SKOR2: variants seen among roughly 807,000 people sequenced by gnomAD.
The protein encoded by SKOR2 is LBX1 corepressor 1-like protein.
SKOR2 carries 47 observed loss-of-function variants against 69.1 expected under a neutral mutation model. That is an observed-to-expected ratio of 0.68 (90% CI 0.54 to 0.87). SKOR2 has a LOEUF of 0.87. Ranked by LOEUF, SKOR2 falls within the 40% of genes least tolerant of loss-of-function variation. SKOR2 has a pLI of 0.00. For missense variants in SKOR2, 1,404 were observed against 1,472.2 expected (o/e 0.95, Z 0.76); for synonymous variants, 717 against 672.6 (o/e 1.07, Z -1.02).
intron 6 of SKOR2, among the ~76,000 whole-genome samples, chr18:47,228,929 T>G (rs1342977032): frequency 6.6e-6 from 1 of 152,224 alleles, no homozygotes; most frequent in East Asian, 1.9e-4. Context: ...ATAACTGAAG[T>G]ACCATGAGCT....
At chr18:47,239,163 T>C (rs981393237) in intron 4 of SKOR2, among the ~76,000 whole-genome samples, 8 of 152,218 alleles carry the variant, frequency 5.3e-5, no homozygotes, top group Non-Finnish European at 1.0e-4. Flanking sequence ...ACATATGGCA[T>C]AGAGAGGTTT....
chr18:47,246,952 C>T lies in SKOR2; in HGVS notation c.2232G>A (p.Val744=). ...CGGGGGGCTTGTGGCCCTCCACGTC[C>T]ACCTCCTGCTCTTCTTCCTCGTCGT... The part of the protein sequence containing the change: ...DEDDEEEEQE[V]DVEGHKPPEG... Residue 744 remains valine (V), a synonymous_variant, in exon 2 of 9, where the codon GTG becomes GTA. Coordinates refer to ENST00000425639, the MANE Select transcript of SKOR2 (RefSeq NM_001278063.4). 1 of 1,498,274 alleles carries T rather than the reference C, an allele frequency of 6.7e-7. No individual in the cohort carries two copies. Among genetic ancestry groups the T allele is most frequent in the Non-Finnish European group, 8.8e-7 (1 of 1,130,312 alleles). The allele number at this position is 1,498,274 out of a possible 1,614,324, so 92.8% of individuals were successfully genotyped here.
Position 47,247,239 on chromosome 18 carries a change from AGTGGGGCGCGCCCGCCGACGCCCC to A in SKOR2, c.1921_1944del (p.Gly641_His648del). On this transcript the variant is annotated inframe_deletion, in exon 2 of 9. Transcript: ENST00000425639. This position sits in a 1 kb window ranked among gnomAD's most constrained non-coding sequence, Gnocchi z 6.6. ...TGGTGGTGGGGATGCGTCTGGGCCG[AGTGGGGCGCGCCCGCCGACGCCCC>A]GTGCAGCTTGGCCAGGCTCTCCGCG... The A allele has an allele frequency of 6.8e-7, 1 of 1,466,086 alleles. No individual in the cohort carries two copies. The highest frequency in any genetic ancestry group is 9.0e-7 in the Non-Finnish European group (1 of 1,113,872). 90.8% of individuals were successfully genotyped at this position (1,466,086 alleles called of 1,614,324 possible).
intron 4 of SKOR2, among the ~76,000 whole-genome samples, chr18:47,240,545 A>G (rs937893099): frequency 1.3e-5 from 2 of 152,194 alleles, no homozygotes; most frequent in East Asian, 1.9e-4. Flanking sequence ...TGGTCCCTCA[A>G]TTATACAGAA....
chr18:47,229,234 A>G (rs1186189822), intron 6 of SKOR2, among the ~76,000 whole-genome samples: 1 of 152,244 alleles, frequency 6.6e-6, no homozygotes, highest in Non-Finnish European at 1.5e-5. Flanking sequence ...ATGCTGATAC[A>G]GGAATCATCT....
intron 4 of SKOR2, among the ~76,000 whole-genome samples, chr18:47,231,478 G>A (rs142780823): frequency 6.6e-6 from 1 of 152,238 alleles, no homozygotes; most frequent in African/African-American, 2.4e-5. Flanking sequence ...AAAGAAATGT[G>A]AGGAGGCTTT....
chr18:47,247,042 T>C lies in SKOR2; in HGVS notation c.2142A>G (p.Arg714=). 6 of 1,422,788 alleles carry C rather than the reference T, an allele frequency of 4.2e-6. No individual in the cohort carries two copies. Among genetic ancestry groups the C allele is most frequent in the Non-Finnish European group, 4.6e-6 (5 of 1,087,262 alleles). 88.1% of individuals were successfully genotyped at this position (1,422,788 alleles called of 1,614,324 possible). Residue 714 remains arginine, a synonymous_variant, in exon 2 of 9, where the codon CGA becomes CGG. Transcript: ENST00000425639. This position sits in a 1 kb window ranked among gnomAD's most constrained non-coding sequence, Gnocchi z 6.6. The part of the protein sequence containing the change: ...PPPLAQHPHH[R]GLLSPGGTSC... The stretch of plus-strand genomic sequence containing the variant: ...TGGTTCCCCCGGGAGACAGAAGGCC[T>C]CGGTGGTGCGGGTGCTGGGCCAGAG...
At chr18:47,239,315 T>A (rs1027760864) in intron 4 of SKOR2, among the ~76,000 whole-genome samples, 1 of 152,186 alleles carries the variant, frequency 6.6e-6, no homozygotes, top group East Asian at 1.9e-4. Flanking sequence ...CCTGTGATGT[T>A]TGGCACTTCA....
chr18:47,247,557 C>G lies in SKOR2; in HGVS notation c.1627G>C (p.Gly543Arg), dbSNP rs1238457360. 76 of 1,231,050 alleles carry G rather than the reference C, an allele frequency of 6.2e-5. No individual in the cohort carries two copies. The highest frequency in any genetic ancestry group is 7.4e-5 in the Non-Finnish European group (73 of 987,884). 76.3% of individuals were successfully genotyped at this position (1,231,050 alleles called of 1,614,324 possible). The change falls in exon 2 of 9, where the codon GGC (glycine) becomes CGC (arginine). Residue 543 changes from glycine (G) to arginine (R), a missense_variant. Physicochemically the swap from Gly to Arg is moderately radical, Grantham distance 125. Transcript: ENST00000425639. This position sits in a 1 kb window ranked among gnomAD's most constrained non-coding sequence, Gnocchi z 6.6. ...GCGCCCCCGGCAGGAGGAGGTGGGC[C>G]GGAGCCCGGGCCGTTGGCCACTACC... Reference protein sequence around the residue: ...PQVVANGPGSGPPPPAGGAGS... With the variant: ...PQVVANGPGSRPPPPAGGAGS...
intron 6 of SKOR2, 137 bp from the exon 7 acceptor site, chr18:47,220,147 C>A: frequency 1.6e-6 from 1 of 636,442 alleles, no homozygotes; most frequent in Non-Finnish European, 2.7e-6. Context: ...AAATTATATG[C>A]TTGTTTGAAG....
At position 47,246,936 on chromosome 18, in the gene SKOR2, T is replaced by C; in HGVS notation, c.2248A>G (p.Lys750Glu). The change falls in exon 2 of 9, where the codon AAG (lysine) becomes GAG (glutamate). Residue 750 changes from lysine to glutamate, a missense_variant. By Grantham distance (56) the Lys-to-Glu change is moderately conservative. Around this residue, in one of 3 missense-constraint regions of SKOR2, gnomAD observed 1,266 missense variants for 1,309.9 expected, o/e 0.97. Transcript: ENST00000425639. ...EEQEVDVEGH[K>E]PPEGEEEEEG... ...TCCTCTTCCTCGCCCTCGGGGGGCT[T>C]GTGGCCCTCCACGTCCACCTCCTGC... 13 of 1,495,906 alleles carry C rather than the reference T, an allele frequency of 8.7e-6. No individual in the cohort carries two copies. The highest frequency in any genetic ancestry group is 2.2e-5 in the Admixed American group (1 of 46,010). 92.7% of individuals were successfully genotyped at this position (1,495,906 alleles called of 1,614,324 possible).
intron 3 of SKOR2, 142 bp downstream of exon 3, chr18:47,245,356 C>T: frequency 1.3e-6 from 1 of 782,498 alleles, no homozygotes; most frequent in Non-Finnish European, 1.9e-6. Flanking sequence ...TATTCAAAAA[C>T]AAAACCAAAA....
chr18:47,247,227 G>A lies in SKOR2; in HGVS notation c.1957C>T (p.His653Tyr). 6.9e-7 allele frequency: 1 copy of A among 1,448,904 alleles called. No homozygotes were observed. Among genetic ancestry groups the A allele is most frequent in the Admixed American group, 2.5e-5 (1 of 40,488 alleles). 89.8% of individuals were successfully genotyped at this position (1,448,904 alleles called of 1,614,324 possible). ...SAGAPHSAQTHPHHHHHPHHH... is the reference protein window; with the variant it reads ...SAGAPHSAQTYPHHHHHPHHH... ...TGAGGGTGGTGATGGTGGTGGGGAT[G>A]CGTCTGGGCCGAGTGGGGCGCGCCC... Residue 653 changes from histidine to tyrosine, a missense_variant, in exon 2 of 9, where the codon CAT (histidine) becomes TAT (tyrosine). His to Tyr is a moderately conservative substitution (Grantham distance 83, BLOSUM62 2). Around this residue, in one of 3 missense-constraint regions of SKOR2, gnomAD observed 1,266 missense variants for 1,309.9 expected, o/e 0.97. Transcript: ENST00000425639. The surrounding 1 kb of genome is among the most constrained non-coding windows in gnomAD (Gnocchi z 6.6).
At chr18:47,243,026 A>G (rs182889085) in intron 4 of SKOR2, among the ~76,000 whole-genome samples, 2 of 152,338 alleles carry the variant, frequency 1.3e-5, no homozygotes, top group Admixed American at 6.5e-5. Flanking sequence ...GGGGTCATAC[A>G]TAAGATAAAA....
chr18:47,237,775 G>A lies in SKOR2; in HGVS notation c.2753-6775C>T, dbSNP rs2064230974. Among the ~76,000 whole-genome samples the A allele has an allele frequency of 2.7e-5, 4 of 148,830 alleles. No individual in the cohort carries two copies. The South Asian group carries it at 8.5e-4, about 32-fold the overall frequency. On this transcript the variant is annotated intron_variant, in intron 4 of 8. Coordinates refer to ENST00000425639, the MANE Select transcript of SKOR2 (RefSeq NM_001278063.4). ...TGCAGTGGTGTGAACATGGCTTACT[G>A]CAGCCTGTCCTTCTGGGCTCATGCG...
intron 8 of SKOR2, among the ~76,000 whole-genome samples, chr18:47,208,243 T>C (rs1444350088): frequency 1.3e-5 from 2 of 152,234 alleles, no homozygotes; most frequent in Non-Finnish European, 2.9e-5. Flanking sequence ...GATTGAATCC[T>C]GTATCTGTCA....
intron 8 of SKOR2, among the ~76,000 whole-genome samples, chr18:47,207,445 T>C (rs2064116308): frequency 6.6e-6 from 1 of 152,182 alleles, no homozygotes; most frequent in Non-Finnish European, 1.5e-5. Flanking sequence ...ATCCTGCCAC[T>C]TCCTAGCAGT....
rs1239749662 is a variant in SKOR2 at position 47,249,253 on chromosome 18, T to C, written c.-47-23A>G. ...ACACTGGAAGGGAAAGGAGAAAGCG[T>C]TGACTTGAGCCTTTTCAGACTAAAA... On this transcript the variant is annotated intron_variant, in intron 1 of 8. Coordinates refer to ENST00000425639, the MANE Select transcript of SKOR2 (RefSeq NM_001278063.4). The C allele has an allele frequency of 3.4e-6, 5 of 1,470,614 alleles. No individual in the cohort carries two copies. In the East Asian group the frequency reaches 1.2e-4, roughly 36 times the overall value. The allele number at this position is 1,470,614 out of a possible 1,614,324, so 91.1% of individuals were successfully genotyped here. A position where few individuals can be genotyped will look rare whatever the true frequency, so the allele number is the denominator to read the frequency against.
At chr18:47,217,930 TAAC>T (rs1262414524) in intron 7 of SKOR2, among the ~76,000 whole-genome samples, 4 of 152,188 alleles carry the variant, frequency 2.6e-5, no homozygotes, top group Non-Finnish European at 5.9e-5. Context: ...GAATGTGAAT[TAAC>T]AACATTTGTC....
Sources: allele counts gnomAD v4.1 joint callset (sites outside exome capture counted in the v4.1 genomes callset), GRCh38; gene constraint gnomAD v4.1.1; regional missense constraint gnomAD v4.1.1; non-coding constraint Gnocchi (gnomAD v3.1); transcripts MANE v1.5; gene names NCBI Gene and HGNC (gene_info 2026-07-23, HGNC 2026-07-21).